ZNF827: variants seen among roughly 807,000 people sequenced by gnomAD.
ZNF827 encodes the protein zinc finger protein 827.
A neutral mutation model predicts 102.4 loss-of-function variants in ZNF827; 13 were observed. That is an observed-to-expected ratio of 0.13 (90% CI 0.08 to 0.20). The LOEUF (loss-of-function observed/expected upper bound fraction) is 0.20. Ranked by LOEUF, ZNF827 falls within the 10% of genes least tolerant of loss-of-function variation. The probability of loss-of-function intolerance (pLI) is 1.00; values close to 1 mark genes in which losing one functional copy is unlikely to be tolerated. For missense variants in ZNF827, 1,103 were observed against 1,344.4 expected (o/e 0.82, Z 2.81); for synonymous variants, 523 against 536.2 (o/e 0.98, Z 0.34).
intron 8 of ZNF827, among the ~76,000 whole-genome samples, chr4:145,814,357 T>G (rs1742354726): frequency 6.6e-6 from 1 of 152,140 alleles, no homozygotes; most frequent in African/African-American, 2.4e-5. Flanking sequence ...TTGGCCCACA[T>G]GTATGGTAGA....
intron 8 of ZNF827, among the ~76,000 whole-genome samples, chr4:145,781,335 C>T (rs1466688565): frequency 1.3e-5 from 2 of 151,496 alleles, no homozygotes; most frequent in Non-Finnish European, 2.9e-5. Context: ...TACAGGCTTC[C>T]ACCTGTATGT....
At chr4:145,910,755 CCTT>C (rs902241917) in intron 1 of ZNF827, among the ~76,000 whole-genome samples, 26 of 152,292 alleles carry the variant, frequency 1.7e-4, no homozygotes, top group Admixed American at 5.2e-4. Flanking sequence ...CTAATCATCT[CCTT>C]GTGACCTCCT....
intron 7 of ZNF827, chr4:145,830,632 CTTA>C (rs1560972110): frequency 6.6e-6 from 1 of 152,002 alleles, no homozygotes. Context: ...TTAATAGACG[CTTA>C]TATTTCTTTT....
rs751746782 is a variant in ZNF827, at chr4:145,902,567, G to T, written c.692C>A (p.Thr231Asn). Reference protein sequence around the residue: ...AVLQDKSLTRTEETMRFESFS... With the variant: ...AVLQDKSLTRNEETMRFESFS... Reference sequence around the variant, plus strand: ...GGACTCAAATCGCATGGTCTCCTCAGTCCTGGTGAGAGATTTGTCCTGCAG... The same window carrying T: ...GGACTCAAATCGCATGGTCTCCTCATTCCTGGTGAGAGATTTGTCCTGCAG... Residue 231 changes from threonine to asparagine, a missense_variant, in exon 2 of 15, where the codon ACT becomes AAT. Transcript: ENST00000508784. This position sits in a 1 kb window ranked among gnomAD's most constrained non-coding sequence, Gnocchi z 4.3. The T allele has an allele frequency of 1.2e-6, 2 of 1,614,128 alleles. No homozygotes were observed. Among genetic ancestry groups the T allele is most frequent in the Admixed American group, 3.3e-5 (2 of 60,030 alleles).
intron 2 of ZNF827, among the ~76,000 whole-genome samples, chr4:145,896,354 G>T (rs1750972764): frequency 6.6e-6 from 1 of 152,158 alleles, no homozygotes; most frequent in Non-Finnish European, 1.5e-5. Context: ...GCTCAGGTAG[G>T]ATCTGGCTCA....
chr4:145,868,507 A>T (rs1174506406), intron 5 of ZNF827, among the ~76,000 whole-genome samples: 1 of 152,362 alleles, frequency 6.6e-6, no homozygotes, highest in East Asian at 1.9e-4. Context: ...AACCAAAGGC[A>T]ACATATACAT....
chr4:145,883,063 A>T (rs80160105), intron 4 of ZNF827, among the ~76,000 whole-genome samples: 20 of 59,530 alleles, frequency 3.4e-4, no homozygotes, highest in East Asian at 0.011. Context: ...AGTAAAATTA[A>T]AAAAAAAAAA....
chr4:145,816,714 C>T (rs145059196), intron 8 of ZNF827, among the ~76,000 whole-genome samples: 7 of 152,296 alleles, frequency 4.6e-5, no homozygotes, highest in African/African-American at 1.4e-4. Context: ...TCCATAACTA[C>T]GAAACTTTCT....
At chr4:145,829,085 G>A (rs1178317745) in intron 7 of ZNF827, among the ~76,000 whole-genome samples, 2 of 152,208 alleles carry the variant, frequency 1.3e-5, no homozygotes, top group African/African-American at 4.8e-5. Flanking sequence ...TACAGACTGT[G>A]AGAGAAAGTT....
intron 2 of ZNF827, among the ~76,000 whole-genome samples, chr4:145,900,641 C>T (rs930198841): frequency 4.6e-5 from 7 of 152,040 alleles, no homozygotes; most frequent in African/African-American, 1.7e-4. Context: ...ACCCCCTGAC[C>T]TCAGGTGACC....
chr4:145,829,648 G>A (rs1744007583), intron 7 of ZNF827, among the ~76,000 whole-genome samples: 1 of 152,192 alleles, frequency 6.6e-6, no homozygotes, highest in South Asian at 2.1e-4. Context: ...AGAGCTGGAA[G>A]TCCCAGCGTG....
chr4:145,834,373 T>C (rs1169305420), intron 7 of ZNF827, among the ~76,000 whole-genome samples: 1 of 152,088 alleles, frequency 6.6e-6, no homozygotes, highest in East Asian at 1.9e-4. Flanking sequence ...GTCTTTCTAA[T>C]CTTCCTTTTC....
rs769205248 is a variant in ZNF827 at position 145,902,126 on chromosome 4, TAAAGGACTTACACGATGATTG to T, written c.1093+19_1093+39del. 2.6e-6 allele frequency: 4 copies of T among 1,546,370 alleles called. No individual in the cohort carries two copies. The South Asian group carries it at 5.2e-5, about 20-fold the overall frequency. Reference sequence around the variant, plus strand: ...GAATAAGACATCGCAGTTTATAGTCTAAAGGACTTACACGATGATTGAAAGAAAAGATGCCATACCTGAATT... The same window carrying T: ...GAATAAGACATCGCAGTTTATAGTCTAAAGAAAAGATGCCATACCTGAATT... On this transcript the variant is annotated intron_variant, in intron 2 of 14. Coordinates refer to ENST00000508784, the MANE Select transcript of ZNF827 (RefSeq NM_001306215.2). This position sits in a 1 kb window ranked among gnomAD's most constrained non-coding sequence, Gnocchi z 4.3.
intron 1 of ZNF827, among the ~76,000 whole-genome samples, chr4:145,905,256 T>C (rs192628283): frequency 4.6e-5 from 7 of 152,316 alleles, no homozygotes; most frequent in Admixed American, 4.6e-4. Context: ...GTGCCAAGTT[T>C]TGCCATATAG....
intron 8 of ZNF827, among the ~76,000 whole-genome samples, chr4:145,784,951 C>A (rs995020647): frequency 1.3e-5 from 2 of 152,202 alleles, no homozygotes; most frequent in Non-Finnish European, 2.9e-5. Flanking sequence ...CCATAAATTG[C>A]TTCCAGAAAT....
At chr4:145,853,124 C>T (rs549197878) in intron 5 of ZNF827, among the ~76,000 whole-genome samples, 152 of 152,328 alleles carry the variant, frequency 1.0e-3, no homozygotes, top group African/African-American at 3.5e-3. Context: ...CATTTCTAGC[C>T]TAGGCCTGGT....
chr4:145,806,362 C>T (rs1206524092), intron 8 of ZNF827, among the ~76,000 whole-genome samples: 1 of 151,756 alleles, frequency 6.6e-6, no homozygotes, highest in African/African-American at 2.4e-5. Flanking sequence ...CGCCATGTTG[C>T]CCAGGCTGGT....
intron 5 of ZNF827, among the ~76,000 whole-genome samples, chr4:145,854,511 G>A (rs1020636319): frequency 1.3e-5 from 2 of 152,128 alleles, no homozygotes; most frequent in African/African-American, 4.8e-5. Context: ...CAGGTGCCAC[G>A]TGAGCTTCCT....
chr4:145,889,284 A>G (rs1376626227), intron 3 of ZNF827, among the ~76,000 whole-genome samples: 2 of 152,234 alleles, frequency 1.3e-5, no homozygotes, highest in Non-Finnish European at 2.9e-5. Context: ...CTTTCCGATA[A>G]TGATCACTGT....
Sources: gnomAD v4.1 joint callset for allele counts (sites outside exome capture counted in the v4.1 genomes callset) on GRCh38, gnomAD v4.1.1 for gene constraint, Gnocchi (gnomAD v3.1) non-coding constraint, MANE v1.5 for transcripts, NCBI Gene and HGNC (gene_info 2026-07-23, HGNC 2026-07-21) for gene names.